CAST: variants seen among roughly 807,000 people sequenced by gnomAD.
The protein encoded by CAST is calpastatin.
CAST carries 76 observed loss-of-function variants against 119.6 expected under a neutral mutation model. The observed-to-expected ratio is 0.64, with a 90% CI of 0.53 to 0.77. The LOEUF (loss-of-function observed/expected upper bound fraction) is 0.77, where lower values mean the gene tolerates loss of function less well. CAST is among the 30% of genes least tolerant of loss of function. The pLI, the probability that CAST is intolerant of heterozygous loss-of-function variation, is 0.00. For synonymous variants in CAST, 319 were observed against 331.6 expected (o/e 0.96, Z 0.41); for missense variants, 953 against 946.5 (o/e 1.01, Z -0.09).
intron 1 of CAST, among the ~76,000 whole-genome samples, chr5:96,618,655 C>A (rs941991747): frequency 1.3e-5 from 2 of 151,672 alleles, no homozygotes; most frequent in African/African-American, 4.8e-5. Context: ...GGGCCAGCAG[C>A]TGTGGAGGGT....
At chr5:96,767,259 G>A (rs112291931) in intron 27 of CAST, among the ~76,000 whole-genome samples, 179 bp from the exon 28 acceptor site, 29 of 152,162 alleles carry the variant, frequency 1.9e-4, no homozygotes, top group Non-Finnish European at 3.7e-4. Flanking sequence ...TGATTATAAA[G>A]AATAGTAATT....
At chr5:96,644,703 C>T (rs1050096084) in intron 1 of CAST, among the ~76,000 whole-genome samples, 1 of 152,098 alleles carries the variant, frequency 6.6e-6, no homozygotes, top group Non-Finnish European at 1.5e-5. Flanking sequence ...AGCCAGGCGC[C>T]GTGGCTCACG....
chr5:96,610,012 A>G (rs139966341), intron 1 of CAST, among the ~76,000 whole-genome samples: 3,376 of 152,260 alleles, frequency 0.022, 130 homozygotes, highest in African/African-American at 0.069. Context: ...ATCTTGAATT[A>G]TAGCTCCCAT....
At chr5:96,360,831 A>T in the CAST span, among the ~76,000 whole-genome samples, 1 of 152,250 alleles carries the variant, frequency 6.6e-6, no homozygotes, top group African/African-American at 2.4e-5. Flanking sequence ...TTGGGGAAGC[A>T]GTCTGTCCCT....
the CAST span, among the ~76,000 whole-genome samples, chr5:96,075,475 A>G: frequency 4.3e-4 from 66 of 152,298 alleles, no homozygotes; most frequent in East Asian, 0.012. Context: ...ATCAATAATT[A>G]TGTAATTAAT....
chr5:96,347,744 C>A, the CAST span, among the ~76,000 whole-genome samples: 1 of 152,102 alleles, frequency 6.6e-6, no homozygotes, highest in African/African-American at 2.4e-5. Flanking sequence ...AGTTCTAAAC[C>A]CCACAGGAAA....
chr5:96,219,453 A>C, the CAST span, among the ~76,000 whole-genome samples: 1 of 152,202 alleles, frequency 6.6e-6, no homozygotes, highest in Non-Finnish European at 1.5e-5. Flanking sequence ...TCAGAGAGCT[A>C]CTAAATAACT....
At chr5:96,478,041 G>A in the CAST span, among the ~76,000 whole-genome samples, 1 of 152,136 alleles carries the variant, frequency 6.6e-6, no homozygotes, top group Admixed American at 6.5e-5. Context: ...AGAGATATAA[G>A]TATATTTCTG....
chr5:96,470,205 A>ACGCACG, the CAST span, among the ~76,000 whole-genome samples: 4 of 151,652 alleles, frequency 2.6e-5, no homozygotes, highest in East Asian at 3.9e-4. Flanking sequence ...ACACACACAC[A>ACGCACG]CACACGCACA....
the CAST span, among the ~76,000 whole-genome samples, chr5:96,432,543 G>A: frequency 6.6e-6 from 1 of 152,234 alleles, no homozygotes; most frequent in African/African-American, 2.4e-5. Flanking sequence ...TGTATCTCAA[G>A]TTCCCTGAAC....
the CAST span, among the ~76,000 whole-genome samples, chr5:96,360,584 G>A: frequency 6.6e-6 from 1 of 152,140 alleles, no homozygotes; most frequent in African/African-American, 2.4e-5. Flanking sequence ...TGACGGTCAG[G>A]CTCCTCTGCT....
chr5:96,169,115 A>G, the CAST span, among the ~76,000 whole-genome samples: 1,644 of 152,254 alleles, frequency 0.011, 32 homozygotes, highest in African/African-American at 0.038. Context: ...GTTTTGTAGA[A>G]GGGATTGGGG....
the CAST span, among the ~76,000 whole-genome samples, chr5:96,208,465 T>C: frequency 2.0e-5 from 3 of 151,934 alleles, no homozygotes; most frequent in Non-Finnish European, 4.4e-5. Context: ...GGGTGTTTGA[T>C]GTTATAAACT....
the CAST span, among the ~76,000 whole-genome samples, chr5:95,983,502 G>C: frequency 6.6e-6 from 1 of 152,098 alleles, no homozygotes; most frequent in African/African-American, 2.4e-5. Context: ...GGGAATGTGG[G>C]GTAGGGAAAA....
At chr5:96,630,505 G>T (rs891319890) in intron 1 of CAST, among the ~76,000 whole-genome samples, 1 of 152,274 alleles carries the variant, frequency 6.6e-6, no homozygotes, top group Non-Finnish European at 1.5e-5. Context: ...ACTCCCTTGA[G>T]GCCAGGTGCG....
chr5:96,061,644 A>AGT, the CAST span, among the ~76,000 whole-genome samples: 12,179 of 149,506 alleles, frequency 0.081, 680 homozygotes, highest in East Asian at 0.24. Context: ...CTTGTTATTC[A>AGT]GTGTGTGTGT....
the CAST span, chr5:96,423,336 G>A: frequency 3.1e-6 from 5 of 1,612,128 alleles, no homozygotes; most frequent in Non-Finnish European, 4.2e-6. Flanking sequence ...ATGTCCGTGT[G>A]ATTCCACTCC....
At chr5:96,194,642 AAAG>A in the CAST span, among the ~76,000 whole-genome samples, 1 of 152,260 alleles carries the variant, frequency 6.6e-6, no homozygotes, top group African/African-American at 2.4e-5. Flanking sequence ...TTTTTTAAAA[AAAG>A]AAATTAAATT....
intron 9 of CAST, among the ~76,000 whole-genome samples, chr5:96,731,651 C>T (rs534907497): frequency 6.6e-6 from 1 of 150,564 alleles, no homozygotes; most frequent in Non-Finnish European, 1.5e-5. Flanking sequence ...ATCCCTCCCC[C>T]CTCTCCCCAC....
Sources: allele counts gnomAD v4.1 joint callset (sites outside exome capture counted in the v4.1 genomes callset), GRCh38; gene constraint gnomAD v4.1.1; transcripts MANE v1.5; gene names NCBI Gene and HGNC (gene_info 2026-07-23, HGNC 2026-07-21).